GTF2I: variants seen among roughly 807,000 people sequenced by gnomAD.
GTF2I encodes the protein general transcription factor II-I.
Under a neutral mutation model 67.6 loss-of-function variants are expected in GTF2I, and 12 were observed. That is an observed-to-expected ratio of 0.18 (90% CI 0.11 to 0.29). GTF2I has a LOEUF of 0.29. Ranked by LOEUF, GTF2I falls within the 10% of genes least tolerant of loss-of-function variation. GTF2I has a pLI of 1.00. For missense variants in GTF2I, 271 were observed against 580.1 expected (o/e 0.47, Z 5.47); for synonymous variants, 149 against 197.0 (o/e 0.76, Z 2.04).
chr7:74,682,902 C>T (rs782362309), intron 1 of GTF2I, among the ~76,000 whole-genome samples: 6 of 151,916 alleles, frequency 3.9e-5, no homozygotes, highest in Non-Finnish European at 7.4e-5. Context: ...AATTAAAAAC[C>T]GGATAGGTGT....
intron 1 of GTF2I, among the ~76,000 whole-genome samples, chr7:74,658,797 A>T (rs1231998645): frequency 6.6e-6 from 1 of 151,816 alleles, no homozygotes; most frequent in Non-Finnish European, 1.5e-5. Context: ...CGGAAGGAAA[A>T]CTTCAGCTTT....
chr7:74,687,915 T>C (rs1787881898), intron 1 of GTF2I, among the ~76,000 whole-genome samples: 1 of 152,240 alleles, frequency 6.6e-6, no homozygotes, highest in African/African-American at 2.4e-5. Context: ...AAAAGTAGAA[T>C]TAATTCAACT....
At chr7:74,724,893 A>G (rs1554405382) in intron 12 of GTF2I, among the ~76,000 whole-genome samples, 1 of 152,110 alleles carries the variant, frequency 6.6e-6, no homozygotes, top group Non-Finnish European at 1.5e-5. Flanking sequence ...TGCCCACTGC[A>G]CTCCCAGCCT....
chr7:74,710,165 T>C (rs1791349914), intron 8 of GTF2I, among the ~76,000 whole-genome samples: 1 of 152,200 alleles, frequency 6.6e-6, no homozygotes, highest in South Asian at 2.1e-4. Context: ...ATACCCTTTG[T>C]ATATCAATTT....
At chr7:74,721,090 G>A (rs1426711779) in intron 12 of GTF2I, among the ~76,000 whole-genome samples, 1 of 152,170 alleles carries the variant, frequency 6.6e-6, no homozygotes, top group Non-Finnish European at 1.5e-5. Context: ...TGCCTAGGCT[G>A]GAGTGCATTG....
intron 1 of GTF2I, among the ~76,000 whole-genome samples, chr7:74,659,043 A>G (rs113143110): frequency 8.6e-5 from 13 of 150,568 alleles, no homozygotes; most frequent in African/African-American, 3.2e-4. Flanking sequence ...AGTAGTGTCC[A>G]CTCTTGGCGA....
intron 11 of GTF2I, among the ~76,000 whole-genome samples, chr7:74,717,527 A>T (rs1792411017): frequency 6.6e-6 from 1 of 152,280 alleles, no homozygotes; most frequent in African/African-American, 2.4e-5. Context: ...CTTATCATGT[A>T]GGGTGGCTTC....
At chr7:74,711,151 G>A (rs782047285) in intron 9 of GTF2I, 42 bp downstream of exon 9, 5 of 873,900 alleles carry the variant, frequency 5.7e-6, no homozygotes, top group South Asian at 1.7e-5. Context: ...AAAATTATTC[G>A]TGGTTAAAAT....
chr7:74,701,563 C>T (rs587645635), intron 6 of GTF2I, among the ~76,000 whole-genome samples: 3 of 152,122 alleles, frequency 2.0e-5, no homozygotes, highest in Non-Finnish European at 4.4e-5. Context: ...CTCTGCTTCC[C>T]AGGTTCAAGT....
chr7:74,694,456 G>A (rs781797250), intron 3 of GTF2I, among the ~76,000 whole-genome samples: 2 of 152,132 alleles, frequency 1.3e-5, no homozygotes, highest in East Asian at 1.9e-4. Context: ...GCCTGGTGGC[G>A]TGCACCTGTA....
intron 3 of GTF2I, 98 bp downstream of exon 3, chr7:74,691,209 T>A: frequency 3.8e-5 from 8 of 207,826 alleles, no homozygotes; most frequent in Non-Finnish European, 6.9e-5. Flanking sequence ...TCTTTCTTTC[T>A]TTTTTTTTTT....
chr7:74,718,846 T>C (rs781934624), intron 11 of GTF2I, 33 bp from the exon 12 acceptor site: 15 of 1,104,578 alleles, frequency 1.4e-5, no homozygotes, highest in Non-Finnish European at 1.6e-5. Context: ...TGCTTAATAA[T>C]GAATGTCATT....
intron 14 of GTF2I, among the ~76,000 whole-genome samples, chr7:74,731,325 T>C (rs1195439533): frequency 7.0e-6 from 1 of 143,186 alleles, no homozygotes; most frequent in Non-Finnish European, 1.5e-5. Context: ...CAATAAACCA[T>C]ATTGATGGTA....
At chr7:74,750,637 G>A (rs1410280125) in intron 26 of GTF2I, among the ~76,000 whole-genome samples, 3 of 78,606 alleles carry the variant, frequency 3.8e-5, no homozygotes, top group African/African-American at 5.2e-5. Context: ...ACAGAATCTC[G>A]CTCTGTACCC....
chr7:74,723,015 A>T (rs1285461990), intron 12 of GTF2I, among the ~76,000 whole-genome samples: 2 of 152,110 alleles, frequency 1.3e-5, no homozygotes, highest in African/African-American at 4.8e-5. Context: ...TATGTTTAAG[A>T]TAGTGCCAGA....
At chr7:74,673,978 A>G (rs1431042478) in intron 1 of GTF2I, among the ~76,000 whole-genome samples, 1 of 151,672 alleles carries the variant, frequency 6.6e-6, no homozygotes, top group Non-Finnish European at 1.5e-5. Context: ...CGCGCCTGGC[A>G]TAAAACTATT....
intron 1 of GTF2I, among the ~76,000 whole-genome samples, chr7:74,665,230 A>C (rs868922104): frequency 2.7e-4 from 41 of 151,126 alleles, no homozygotes; most frequent in Middle Eastern, 3.5e-3. Context: ...GTGTGAGCCA[A>C]CAGTGCCCGG....
intron 3 of GTF2I, among the ~76,000 whole-genome samples, 181 bp downstream of exon 3, chr7:74,691,292 C>CG (rs1330760433): frequency 6.6e-6 from 1 of 151,696 alleles, no homozygotes; most frequent in East Asian, 1.9e-4. Flanking sequence ...CCACAACCCC[C>CG]GCTGCGTGAG....
At chr7:74,668,711 T>C (rs1805199520) in intron 1 of GTF2I, among the ~76,000 whole-genome samples, 1 of 151,706 alleles carries the variant, frequency 6.6e-6, no homozygotes, top group Non-Finnish European at 1.5e-5. Context: ...GTAGCTGGGA[T>C]TACAGGAGCC....
Sources: allele counts gnomAD v4.1 joint callset (sites outside exome capture counted in the v4.1 genomes callset), GRCh38; gene constraint gnomAD v4.1.1; transcripts MANE v1.5; gene names NCBI Gene and HGNC (gene_info 2026-07-23, HGNC 2026-07-21).